Variants in SSPN observed in about 807,000 individuals in gnomAD.
SSPN encodes sarcospan.
In SSPN, 15 loss-of-function variants were observed where a neutral mutation model predicts 19.1. That is an observed-to-expected ratio of 0.78 (90% CI 0.52 to 1.21). The LOEUF (loss-of-function observed/expected upper bound fraction) is 1.21. Ranked by LOEUF, SSPN falls within the 50% of genes most tolerant of loss-of-function variation. The pLI, the probability that SSPN is intolerant of heterozygous loss-of-function variation, is 0.00. For missense variants in SSPN, 291 were observed against 314.0 expected (o/e 0.93, Z 0.55); for synonymous variants, 147 against 140.3 (o/e 1.05, Z -0.34).
intron 1 of SSPN, among the ~76,000 whole-genome samples, chr12:26,203,659 A>G (rs976341295): frequency 3.3e-5 from 5 of 152,220 alleles, no homozygotes; most frequent in African/African-American, 9.7e-5. Context: ...ACCTACACAT[A>G]TGGCATTAAC....
intron 1 of SSPN, among the ~76,000 whole-genome samples, chr12:26,203,529 T>G (rs1363524031): frequency 6.6e-6 from 1 of 152,204 alleles, no homozygotes; most frequent in Non-Finnish European, 1.5e-5. Context: ...TTTCAGATGC[T>G]TTGGATGCAG....
At chr12:26,182,646 T>TCCCTC (rs1219800520) in intron 1 of SSPN, among the ~76,000 whole-genome samples, 3 of 121,678 alleles carry the variant, frequency 2.5e-5, no homozygotes, top group African/African-American at 3.4e-5. Context: ...TCCCTTCCCT[T>TCCCTC]CCCTCCCCTC....
intron 1 of SSPN, among the ~76,000 whole-genome samples, chr12:26,172,543 A>G (rs900265836): frequency 2.0e-5 from 3 of 152,232 alleles, no homozygotes; most frequent in African/African-American, 7.2e-5. Context: ...ATGCTAATCT[A>G]TGATTTTTAA....
At chr12:26,152,650 C>G (rs1944532372) in intron 1 of SSPN, among the ~76,000 whole-genome samples, 1 of 152,214 alleles carries the variant, frequency 6.6e-6, no homozygotes, top group African/African-American at 2.4e-5. Context: ...CACTGCTCAC[C>G]TGTATCCCTG....
chr12:26,190,525 C>A (rs559432708), upstream of SSPN, among the ~76,000 whole-genome samples: 9 of 152,310 alleles, frequency 5.9e-5, no homozygotes, highest in African/African-American at 2.2e-4. Context: ...CAAACCATCC[C>A]TGCTGTGTGC....
In SSPN at chr12:26,208,028, G is replaced by A. The variant is rs546627861; in HGVS notation, c.279+12077G>A. Among the ~76,000 whole-genome samples, 14 of 143,412 alleles carry A rather than the reference G, an allele frequency of 9.8e-5. No homozygotes were observed. In the East Asian group the frequency reaches 2.2e-3, roughly 23 times the overall value. 94.1% of individuals were successfully genotyped at this position (143,412 alleles called of 152,430 possible). A position where few individuals can be genotyped will look rare whatever the true frequency, so the allele number is the denominator to read the frequency against. On this transcript the variant is annotated intron_variant, in intron 1 of 2. Coordinates refer to ENST00000242729, the MANE Select transcript of SSPN (RefSeq NM_005086.5). The stretch of plus-strand genomic sequence containing the variant: ...AGAAAGTGGTGGTGGTGGGGGGGGG[G>A]GATATATAACAGTTAATTCATTCTC...
intron 1 of SSPN, among the ~76,000 whole-genome samples, chr12:26,133,976 A>G (rs1050620340): frequency 1.3e-5 from 2 of 152,198 alleles, no homozygotes; most frequent in Admixed American, 6.5e-5. Context: ...GAATTCAATC[A>G]CTAAGTTATA....
chr12:26,196,747 C>A (rs1226920865), intron 1 of SSPN, among the ~76,000 whole-genome samples: 1 of 152,220 alleles, frequency 6.6e-6, no homozygotes, highest in East Asian at 1.9e-4. Flanking sequence ...ATCCCCACAT[C>A]GTCCTGATGG....
At chr12:26,198,691 T>A (rs747013652) in intron 1 of SSPN, among the ~76,000 whole-genome samples, 1 of 152,232 alleles carries the variant, frequency 6.6e-6, no homozygotes, top group Non-Finnish European at 1.5e-5. Flanking sequence ...TTTTGCCGTC[T>A]CACCTTTCTC....
chr12:26,142,717 A>G (rs1387392008), intron 1 of SSPN, among the ~76,000 whole-genome samples: 1 of 152,230 alleles, frequency 6.6e-6, no homozygotes, highest in Non-Finnish European at 1.5e-5. Context: ...GGAGATTAGA[A>G]GAGAAGTGGG....
upstream of SSPN, among the ~76,000 whole-genome samples, chr12:26,191,667 T>C (rs1366880820): frequency 6.9e-6 from 1 of 145,062 alleles, no homozygotes; most frequent in Non-Finnish European, 1.5e-5. Flanking sequence ...GGAGTTGCTT[T>C]AATTTGTTCT....
chr12:26,212,698 C>T (rs1187645579), intron 1 of SSPN, among the ~76,000 whole-genome samples: 1 of 151,292 alleles, frequency 6.6e-6, no homozygotes, highest in Non-Finnish European at 1.5e-5. Flanking sequence ...ATACCTAAGA[C>T]AAATGAAAAG....
At chr12:26,160,920 C>G (rs1944584221) in intron 1 of SSPN, among the ~76,000 whole-genome samples, 1 of 151,812 alleles carries the variant, frequency 6.6e-6, no homozygotes, top group Non-Finnish European at 1.5e-5. Context: ...CCAGCCTGGC[C>G]AGCATGGTGA....
chr12:26,159,026 C>T (rs1487327540), intron 1 of SSPN, among the ~76,000 whole-genome samples: 2 of 152,232 alleles, frequency 1.3e-5, no homozygotes, highest in Non-Finnish European at 2.9e-5. Context: ...ATTAAGACTC[C>T]TCATGGGCAC....
At chr12:26,148,553 A>G (rs115109036) in intron 1 of SSPN, among the ~76,000 whole-genome samples, 1,754 of 152,256 alleles carry the variant, frequency 0.012, 31 homozygotes, top group African/African-American at 0.039. Context: ...GCAGGCCGTG[A>G]TTCCTCTACT....
At chr12:26,167,104 C>T (rs991117185) in intron 1 of SSPN, among the ~76,000 whole-genome samples, 2 of 152,140 alleles carry the variant, frequency 1.3e-5, no homozygotes, top group African/African-American at 2.4e-5. Flanking sequence ...AGAGCACCAA[C>T]CTGTGTAACT....
chr12:26,216,109 G>T (rs968249388), intron 1 of SSPN, among the ~76,000 whole-genome samples: 1 of 152,158 alleles, frequency 6.6e-6, no homozygotes, highest in Non-Finnish European at 1.5e-5. Context: ...ATTAGTAGTA[G>T]TAGTATATTA....
intron 1 of SSPN, chr12:26,122,605 G>A: frequency 8.9e-7 from 1 of 1,124,334 alleles, no homozygotes; most frequent in Non-Finnish European, 1.1e-6. Context: ...GGCCCCAGAA[G>A]CGCGGCTGCC....
chr12:26,221,495 C>G (rs1945120114), intron 1 of SSPN, among the ~76,000 whole-genome samples: 1 of 152,172 alleles, frequency 6.6e-6, no homozygotes, highest in Non-Finnish European at 1.5e-5. Context: ...TGTATGTCCT[C>G]CATAAAATTC....
Sources: gnomAD v4.1 joint callset for allele counts (sites outside exome capture counted in the v4.1 genomes callset) on GRCh38, gnomAD v4.1.1 for gene constraint, MANE v1.5 for transcripts, NCBI Gene and HGNC (gene_info 2026-07-23, HGNC 2026-07-21) for gene names.